Variants in ARFGEF3 observed in about 807,000 individuals in gnomAD.
The protein encoded by ARFGEF3 is brefeldin A-inhibited guanine nucleotide-exchange protein 3.
ARFGEF3 carries 96 observed loss-of-function variants against 221.7 expected under a neutral mutation model. The observed-to-expected ratio is 0.43, with a 90% CI of 0.37 to 0.51. ARFGEF3 has a LOEUF of 0.51. Ranked by LOEUF, ARFGEF3 falls within the 20% of genes least tolerant of loss-of-function variation. The pLI is 0.00. For synonymous variants in ARFGEF3, 1,145 were observed against 1,126.8 expected (o/e 1.02, Z -0.32); for missense variants, 2,410 against 2,789.9 (o/e 0.86, Z 3.07).
rs138161018 is a variant in ARFGEF3, at chr6:138,225,818, A to G, written c.352-3966A>G. On this transcript the variant is annotated intron_variant, in intron 4 of 33. Coordinates refer to ENST00000251691, the MANE Select transcript of ARFGEF3 (RefSeq NM_020340.5). The stretch of plus-strand genomic sequence containing the variant: ...TTTTTTACTTGAAATAAGCCTAATC[A>G]TCTATGTTGGAATAGCTACCATGAA... 1.6e-3 allele frequency among the ~76,000 whole-genome samples: 249 copies of G among 152,318 alleles called. 1 individual carries two copies. Among genetic ancestry groups the G allele is most frequent in the African/African-American group, 5.8e-3 (243 of 41,572 alleles).
At chr6:138,325,691 G>A (rs886335771) in intron 31 of ARFGEF3, among the ~76,000 whole-genome samples, 3 of 152,200 alleles carry the variant, frequency 2.0e-5, no homozygotes, top group Non-Finnish European at 4.4e-5. Flanking sequence ...GCATTTGCAC[G>A]TGTGCACACA....
intron 4 of ARFGEF3, chr6:138,218,476 C>A: frequency 6.9e-7 from 1 of 1,455,108 alleles, no homozygotes; most frequent in Non-Finnish European, 9.1e-7. Context: ...TTAGCCACCT[C>A]GATATATTTA....
chr6:138,298,449 G>C (rs1221372315), intron 21 of ARFGEF3, among the ~76,000 whole-genome samples, 157 bp from the exon 22 acceptor site: 1 of 152,210 alleles, frequency 6.6e-6, no homozygotes, highest in African/African-American at 2.4e-5. Flanking sequence ...ATGCAATTTA[G>C]TATGCAGTTT....
intron 4 of ARFGEF3, among the ~76,000 whole-genome samples, chr6:138,213,460 A>C (rs967533328): frequency 6.6e-6 from 1 of 151,880 alleles, no homozygotes. Flanking sequence ...CTCAAAAAAA[A>C]AAATATTGTC....
At chr6:138,193,797 A>G (rs867626029) in intron 2 of ARFGEF3, among the ~76,000 whole-genome samples, 4 of 152,202 alleles carry the variant, frequency 2.6e-5, no homozygotes, top group Admixed American at 6.5e-5. Flanking sequence ...GTGAGCTTTA[A>G]TAGGCCAGTG....
chr6:138,219,220 G>A (rs1777933644), intron 4 of ARFGEF3, among the ~76,000 whole-genome samples: 1 of 152,116 alleles, frequency 6.6e-6, no homozygotes, highest in Admixed American at 6.5e-5. Context: ...AAGGTAGGTG[G>A]GATTCAGATA....
intron 22 of ARFGEF3, among the ~76,000 whole-genome samples, chr6:138,302,001 A>T (rs571527611): frequency 6.6e-6 from 1 of 152,140 alleles, no homozygotes; most frequent in African/African-American, 2.4e-5. Context: ...GGGGAAAAAA[A>T]CCCTCAAAAA....
chr6:138,256,425 G>A lies in ARFGEF3; in HGVS notation c.1104+656G>A, dbSNP rs141619954. 8.3e-3 allele frequency among the ~76,000 whole-genome samples: 1,260 copies of A among 152,256 alleles called. 15 individuals are homozygous for A. The highest frequency in any genetic ancestry group is 0.029 in the African/African-American group (1,199 of 41,552). ...TTGTATTTGTGAATATGTTCATAAA[G>A]GTCAAATTGCATTTCCTTTTGTTAT... On this transcript the variant is annotated intron_variant, in intron 10 of 33. Coordinates refer to ENST00000251691, the MANE Select transcript of ARFGEF3 (RefSeq NM_020340.5).
At chr6:138,292,599 A>C (rs1005822966) in intron 19 of ARFGEF3, among the ~76,000 whole-genome samples, 1 of 152,234 alleles carries the variant, frequency 6.6e-6, no homozygotes, top group African/African-American at 2.4e-5. Context: ...TTTGGTCACC[A>C]ATCACACACA....
intron 2 of ARFGEF3, among the ~76,000 whole-genome samples, chr6:138,184,239 A>G (rs1457024548): frequency 2.6e-5 from 4 of 152,170 alleles, no homozygotes; most frequent in South Asian, 2.1e-4. Flanking sequence ...AAAAATAACT[A>G]CTTTTATTAT....
chr6:138,177,916 G>A (rs1776988079), intron 2 of ARFGEF3, among the ~76,000 whole-genome samples: 1 of 151,858 alleles, frequency 6.6e-6, no homozygotes, highest in African/African-American at 2.4e-5. Context: ...ATCTCATTGA[G>A]CGTGTTTAAA....
At chr6:138,249,558 C>G (rs556651731) in intron 8 of ARFGEF3, among the ~76,000 whole-genome samples, 1 of 152,116 alleles carries the variant, frequency 6.6e-6, no homozygotes, top group Non-Finnish European at 1.5e-5. Context: ...CTCTTGGTGG[C>G]TAACTTCTGT....
intron 7 of ARFGEF3, among the ~76,000 whole-genome samples, chr6:138,244,306 C>T (rs1411941514): frequency 6.6e-6 from 1 of 152,374 alleles, no homozygotes. Context: ...TCTCCATCTT[C>T]CTTGACGTAC....
intron 2 of ARFGEF3, among the ~76,000 whole-genome samples, chr6:138,192,121 G>T (rs1396790589): frequency 6.6e-6 from 1 of 152,140 alleles, no homozygotes; most frequent in Non-Finnish European, 1.5e-5. Context: ...CCCACCCAAA[G>T]CCTGCCCTTT....
intron 4 of ARFGEF3, among the ~76,000 whole-genome samples, chr6:138,214,440 T>G (rs1777796221): frequency 6.6e-6 from 1 of 152,248 alleles, no homozygotes; most frequent in Non-Finnish European, 1.5e-5. Flanking sequence ...CAAATGTTGG[T>G]CTGGATATGC....
Position 138,291,990 on chromosome 6 carries a change from G to T in ARFGEF3, c.3305G>T (p.Gly1102Val). The change falls in exon 19 of 34, where the codon GGG becomes GTG. Residue 1102 changes from glycine to valine, a missense_variant. Coordinates refer to ENST00000251691, the MANE Select transcript of ARFGEF3 (RefSeq NM_020340.5). This position sits in a 1 kb window ranked among gnomAD's most constrained non-coding sequence, Gnocchi z 4.5. ...GGTCGGGCCTCCGACTTCCGCGGCG[G>T]GAGCCTCATGAGCGGGAGCAGCGCG... is the stretch of plus-strand genomic sequence containing the variant. ...SRGRASDFRG[G>V]SLMSGSSAAK... The T allele has an allele frequency of 1.9e-6, 3 of 1,538,602 alleles. No individual in the cohort carries two copies. The highest frequency in any genetic ancestry group is 2.8e-5 in the African/African-American group (2 of 71,946).
chr6:138,261,691 T>G (rs1362673114), intron 11 of ARFGEF3, 52 bp downstream of exon 11: 3 of 1,073,780 alleles, frequency 2.8e-6, no homozygotes, highest in Non-Finnish European at 3.9e-6. Flanking sequence ...TCTGAAGACT[T>G]TTAACCTTGC....
intron 24 of ARFGEF3, 55 bp from the exon 25 acceptor site, chr6:138,311,352 C>A: frequency 8.9e-7 from 1 of 1,122,314 alleles, no homozygotes; most frequent in Non-Finnish European, 1.3e-6. Flanking sequence ...TCTCCTGTTA[C>A]AGGGGGGCAC....
chr6:138,301,170 T>G (rs191494995), intron 22 of ARFGEF3, among the ~76,000 whole-genome samples: 2 of 152,304 alleles, frequency 1.3e-5, no homozygotes, highest in East Asian at 3.9e-4. Flanking sequence ...GAAGTTAGGT[T>G]AACCTTCCCC....
Sources: allele counts gnomAD v4.1 joint callset (sites outside exome capture counted in the v4.1 genomes callset), GRCh38; gene constraint gnomAD v4.1.1; non-coding constraint Gnocchi (gnomAD v3.1); transcripts MANE v1.5; gene names NCBI Gene and HGNC (gene_info 2026-07-23, HGNC 2026-07-21).